The following EFCAB6 variants were observed in gnomAD, a reference collection of about 807,000 sequenced individuals.
EFCAB6 encodes EF-hand calcium binding domain 6, also known as EF-hand calcium-binding domain-containing protein 6.
A neutral mutation model predicts 169.8 loss-of-function variants in EFCAB6; 156 were observed. The observed-to-expected ratio is 0.92, with a 90% CI of 0.81 to 1.05. The LOEUF is 1.05. Among genes scored for constraint, EFCAB6 ranks in the 50% least tolerant of loss-of-function variants. EFCAB6 has a pLI of 0.00. For synonymous variants in EFCAB6, 698 were observed against 676.4 expected (o/e 1.03, Z -0.50); for missense variants, 1,800 against 1,829.1 (o/e 0.98, Z 0.29).
At position 43,598,321 on chromosome 22, in the gene EFCAB6, A is replaced by AAAAAAC. The variant is rs1358433169; in HGVS notation, c.2876+1747_2876+1748insGTTTTT. Among the ~76,000 whole-genome samples the AAAAAAC allele has an allele frequency of 1.7e-3, 251 of 148,106 alleles. 6 individuals are homozygous for AAAAAAC. The highest frequency in any genetic ancestry group is 3.4e-3 in the Middle Eastern group (1 of 290). On this transcript the variant is annotated intron_variant, in intron 23 of 31. Coordinates refer to ENST00000262726, the MANE Select transcript of EFCAB6 (RefSeq NM_022785.4). The stretch of plus-strand genomic sequence containing the variant: ...AGACACTGTCTCCGGGAAAAAAAAA[A>AAAAAAC]AAAAAAAAAAAAAAAAAGGTTGATC...
At chr22:43,807,110 T>A (rs1337947335) in intron 2 of EFCAB6, among the ~76,000 whole-genome samples, 2 of 152,212 alleles carry the variant, frequency 1.3e-5, no homozygotes, top group African/African-American at 4.8e-5. Flanking sequence ...ACACTCAACA[T>A]GGCATAGCAT....
chr22:43,747,434 T>C (rs1182100263), intron 6 of EFCAB6, among the ~76,000 whole-genome samples: 1 of 152,172 alleles, frequency 6.6e-6, no homozygotes, highest in Non-Finnish European at 1.5e-5. Flanking sequence ...CTGCAGGACC[T>C]AGTGGTTAAC....
intron 6 of EFCAB6, among the ~76,000 whole-genome samples, chr22:43,751,973 G>C (rs2147833803): frequency 6.6e-6 from 1 of 152,250 alleles, no homozygotes; most frequent in East Asian, 1.9e-4. Context: ...ATTATTACTA[G>C]AGTTGGCAAA....
At chr22:43,671,370 T>C (rs112020353) in intron 15 of EFCAB6, among the ~76,000 whole-genome samples, 2,885 of 152,188 alleles carry the variant, frequency 0.019, 94 homozygotes, top group African/African-American at 0.066. Context: ...CCTGGCTTAA[T>C]TTTGTATTTT....
intron 21 of EFCAB6, among the ~76,000 whole-genome samples, chr22:43,609,938 G>A (rs748206348): frequency 6.6e-6 from 1 of 152,182 alleles, no homozygotes; most frequent in Non-Finnish European, 1.5e-5. Context: ...GATCGGCCAG[G>A]GGAAGGGGGA....
intron 30 of EFCAB6, among the ~76,000 whole-genome samples, chr22:43,534,193 CTTGCTGTT>C (rs2047251654): frequency 6.6e-6 from 1 of 152,180 alleles, no homozygotes; most frequent in Non-Finnish European, 1.5e-5. Flanking sequence ...GAGGTTCCCC[CTTGCTGTT>C]CTTGTGAGAG....
chr22:43,613,197 A>G (rs2053444670), intron 21 of EFCAB6, among the ~76,000 whole-genome samples: 1 of 148,282 alleles, frequency 6.7e-6, no homozygotes, highest in Non-Finnish European at 1.5e-5. Context: ...ATATATTAAT[A>G]TATTTGTTAT....
chr22:43,684,831 A>C (rs1374040441), intron 11 of EFCAB6, among the ~76,000 whole-genome samples: 1 of 152,174 alleles, frequency 6.6e-6, no homozygotes, highest in East Asian at 1.9e-4. Flanking sequence ...CCCCTGACCT[A>C]GGGGCTGGAG....
chr22:43,807,484 A>G (rs1045370638), intron 2 of EFCAB6, among the ~76,000 whole-genome samples: 2 of 152,202 alleles, frequency 1.3e-5, no homozygotes, highest in East Asian at 1.9e-4. Flanking sequence ...TATCTCACTG[A>G]TATATTTGTT....
intron 17 of EFCAB6, among the ~76,000 whole-genome samples, chr22:43,644,228 CAGG>C (rs2056001947): frequency 6.6e-6 from 1 of 152,072 alleles, no homozygotes; most frequent in Admixed American, 6.5e-5. Context: ...GCTCTTTGAG[CAGG>C]AGATGACGGG....
intron 2 of EFCAB6, among the ~76,000 whole-genome samples, chr22:43,803,958 C>T (rs1417506081): frequency 6.6e-6 from 1 of 152,174 alleles, no homozygotes; most frequent in Non-Finnish European, 1.5e-5. Flanking sequence ...AAGTGATCTT[C>T]CCCTCAGCCT....
At chr22:43,739,413 A>G (rs1395910721) in intron 6 of EFCAB6, among the ~76,000 whole-genome samples, 1 of 150,828 alleles carries the variant, frequency 6.6e-6, no homozygotes, top group East Asian at 2.0e-4. Context: ...CCCATCTCTA[A>G]GCCTGGAGCA....
At chr22:43,740,777 G>C (rs1422916549) in intron 6 of EFCAB6, among the ~76,000 whole-genome samples, 4 of 152,290 alleles carry the variant, frequency 2.6e-5, no homozygotes, top group Admixed American at 1.3e-4. Flanking sequence ...CTGAAAGAGG[G>C]AGCCCCAGCC....
chr22:43,613,071 G>T lies in EFCAB6; in HGVS notation c.2562+2755C>A, dbSNP rs181562945. ...ATTCGACCCAGCAATCCCATTACTG[G>T]GTATATGCCCAAAGAAATATAAATC... On this transcript the variant is annotated intron_variant, in intron 21 of 31. Coordinates refer to ENST00000262726, the MANE Select transcript of EFCAB6 (RefSeq NM_022785.4). Among the ~76,000 whole-genome samples the T allele has an allele frequency of 6.3e-3, 931 of 147,734 alleles. 6 individuals carry two copies. Among genetic ancestry groups the T allele is most frequent in the African/African-American group, 0.021 (867 of 40,464 alleles).
rs753826514 is a variant in EFCAB6, at chr22:43,672,084, T to C, written c.1529A>G (p.Tyr510Cys). ...DTITRNLQAF[Y>C]NMLRSYDLGD... ...AAGGTCATATGAGCGTAGCATGTTA[T>C]AAAAAGCTTGTAGGTTCCTAGTAAT... is the stretch of plus-strand genomic sequence containing the variant. The change falls in exon 15 of 32, where the codon TAT (tyrosine) becomes TGT (cysteine). Residue 510 changes from tyrosine to cysteine, a missense_variant. By Grantham distance (194) the Tyr-to-Cys change is radical (BLOSUM62 -2). Transcript: ENST00000262726. 8 of 1,613,962 alleles carry C rather than the reference T, an allele frequency of 5.0e-6. No homozygotes were observed. Among genetic ancestry groups the C allele is most frequent in the East Asian group, 2.2e-5 (1 of 44,878 alleles).
chr22:43,709,935 G>C (rs1184971417), intron 10 of EFCAB6, among the ~76,000 whole-genome samples: 1 of 152,170 alleles, frequency 6.6e-6, no homozygotes. Flanking sequence ...CAAGGAAAGT[G>C]GGGTGCTGTG....
At position 43,598,325 on chromosome 22, in the gene EFCAB6, A is replaced by AAAG. The variant is rs1366375384; in HGVS notation, c.2876+1743_2876+1744insCTT. On this transcript the variant is annotated intron_variant, in intron 23 of 31. Transcript: ENST00000262726. ...ACTGTCTCCGGGAAAAAAAAAAAAA[A>AAAG]AAAAAAAAAAAAAGGTTGATCTCAG... 3.3e-5 allele frequency among the ~76,000 whole-genome samples: 5 copies of AAAG among 149,626 alleles called. No homozygotes were observed. In the East Asian group the frequency reaches 7.8e-4, roughly 23 times the overall value.
rs2056315840 is a variant in EFCAB6 at position 43,648,795 on chromosome 22, A to C, written c.1984-13579T>G. Among the ~76,000 whole-genome samples the C allele has an allele frequency of 3.3e-5, 5 of 152,220 alleles. No homozygotes were observed. The South Asian group carries it at 1.0e-3, about 32-fold the overall frequency. On this transcript the variant is annotated intron_variant, in intron 17 of 31. Transcript: ENST00000262726. Reference sequence around the variant, plus strand: ...CCCTGGCAGCCTAGCTCCAGAGTCAACATTTTTAGCCATAATGCCATGATA... The same window carrying C: ...CCCTGGCAGCCTAGCTCCAGAGTCACCATTTTTAGCCATAATGCCATGATA...
At chr22:43,597,399 A>C (rs2052098926) in intron 23 of EFCAB6, among the ~76,000 whole-genome samples, 1 of 152,236 alleles carries the variant, frequency 6.6e-6, no homozygotes, top group African/African-American at 2.4e-5. Flanking sequence ...ACCCAACAGC[A>C]TGAAAAGAAA....
Sources: gnomAD v4.1 joint callset for allele counts (sites outside exome capture counted in the v4.1 genomes callset) on GRCh38, gnomAD v4.1.1 for gene constraint, MANE v1.5 for transcripts, NCBI Gene and HGNC (gene_info 2026-07-23, HGNC 2026-07-21) for gene names.